ERC2: variants seen among roughly 807,000 people sequenced by gnomAD.
ERC2 encodes ELKS/RAB6-interacting/CAST family member 2.
Under a neutral mutation model 114.8 loss-of-function variants are expected in ERC2, and 42 were observed. That is an observed-to-expected ratio of 0.37 (90% CI 0.29 to 0.47). ERC2 has a LOEUF of 0.47. Ranked by LOEUF, ERC2 falls within the 20% of genes least tolerant of loss-of-function variation. The probability of loss-of-function intolerance (pLI) is 0.99; values close to 1 mark genes in which losing one functional copy is unlikely to be tolerated. For missense variants in ERC2, 939 were observed against 1,150.7 expected, an observed-to-expected ratio of 0.82 and a Z score of 2.66; for synonymous variants, 454 against 425.5, an observed-to-expected ratio of 1.07 and a Z score of -0.82.
At chr3:56,369,971 G>A (rs112452793) in intron 2 of ERC2, among the ~76,000 whole-genome samples, 34 of 152,288 alleles carry the variant, frequency 2.2e-4, no homozygotes, top group South Asian at 1.2e-3. Flanking sequence ...CACCACGCCC[G>A]GCCTGGATAC....
intron 7 of ERC2, among the ~76,000 whole-genome samples, chr3:56,035,509 A>G (rs1465733366): frequency 6.6e-6 from 1 of 152,210 alleles, no homozygotes; most frequent in Non-Finnish European, 1.5e-5. Flanking sequence ...TCCACAATGC[A>G]AGAGTACTGT....
chr3:55,603,643 CAAA>C (rs34016147), intron 17 of ERC2, among the ~76,000 whole-genome samples: 40 of 67,382 alleles, frequency 5.9e-4, no homozygotes, highest in Non-Finnish European at 1.0e-3. Context: ...GACTCTGTCT[CAAA>C]AAAAAAAAAA....
intron 6 of ERC2, among the ~76,000 whole-genome samples, chr3:56,117,944 CT>C (rs1240526692): frequency 3.3e-5 from 5 of 152,190 alleles, no homozygotes; most frequent in Non-Finnish European, 5.9e-5. Flanking sequence ...ATTGACTATT[CT>C]GAGCAGAGGA....
At chr3:55,968,522 C>T (rs572091257) in intron 12 of ERC2, among the ~76,000 whole-genome samples, 79 of 152,282 alleles carry the variant, frequency 5.2e-4, no homozygotes, top group Non-Finnish European at 9.6e-4. Flanking sequence ...AGTCTCAGAC[C>T]TGTGCAGTTT....
intron 7 of ERC2, among the ~76,000 whole-genome samples, chr3:56,028,766 A>G (rs541798141): frequency 6.6e-6 from 1 of 152,122 alleles, no homozygotes; most frequent in South Asian, 2.1e-4. Context: ...TATGTGGACA[A>G]CAATGTCATC....
At chr3:56,296,847 A>G (rs1231594454) in intron 2 of ERC2, among the ~76,000 whole-genome samples, 1 of 152,230 alleles carries the variant, frequency 6.6e-6, no homozygotes, top group African/African-American at 2.4e-5. Context: ...ACTATCCATT[A>G]TTTCCCACGA....
intron 17 of ERC2, among the ~76,000 whole-genome samples, chr3:55,641,946 G>A (rs1031442624): frequency 2.0e-5 from 3 of 152,192 alleles, no homozygotes; most frequent in African/African-American, 7.2e-5. Flanking sequence ...AAGGTGAAGA[G>A]TAGCCCATTA....
intron 2 of ERC2, among the ~76,000 whole-genome samples, chr3:56,373,895 C>A (rs1330511576): frequency 6.6e-6 from 1 of 151,624 alleles, no homozygotes; most frequent in African/African-American, 2.4e-5. Flanking sequence ...TTTTTAAACC[C>A]CATTTAAAAA....
chr3:56,012,539 G>T (rs1276161453), intron 8 of ERC2, among the ~76,000 whole-genome samples: 1 of 152,118 alleles, frequency 6.6e-6, no homozygotes, highest in African/African-American at 2.4e-5. Flanking sequence ...GAAGGAAGGA[G>T]AACTCAATTA....
chr3:56,196,243 A>C (rs2048093641), intron 3 of ERC2, among the ~76,000 whole-genome samples: 1 of 152,150 alleles, frequency 6.6e-6, no homozygotes, highest in Admixed American at 6.5e-5. Flanking sequence ...GAAGGTACAC[A>C]CTACGTGCTC....
chr3:55,652,804 G>A (rs1393997647), intron 17 of ERC2, among the ~76,000 whole-genome samples: 1 of 146,020 alleles, frequency 6.8e-6, no homozygotes, highest in Non-Finnish European at 1.5e-5. Flanking sequence ...AGGTCGAAGT[G>A]AGCCAAGATC....
At position 56,200,283 on chromosome 3, in the gene ERC2, C is replaced by A. The variant is rs376456295; in HGVS notation, c.1075-26763G>T. Reference sequence around the variant, plus strand: ...CCTCATTTTTCACTCACCTCCATCACACAGAATCCAGGACTATTCTCTTCA... The same window carrying A: ...CCTCATTTTTCACTCACCTCCATCAAACAGAATCCAGGACTATTCTCTTCA... On this transcript the variant is annotated intron_variant, in intron 3 of 17. Coordinates refer to ENST00000288221, the MANE Select transcript of ERC2 (RefSeq NM_015576.3). Among the ~76,000 whole-genome samples, 6 of 151,016 alleles carry A rather than the reference C, an allele frequency of 4.0e-5. No homozygotes were observed. In the East Asian group the frequency reaches 1.2e-3, roughly 29 times the overall value.
chr3:56,328,974 A>C (rs577558375), intron 2 of ERC2, among the ~76,000 whole-genome samples: 123 of 152,362 alleles, frequency 8.1e-4, no homozygotes, highest in African/African-American at 2.9e-3. Flanking sequence ...TCTGAAAGTA[A>C]CTCAAGTAAA....
chr3:56,383,327 C>G (rs1476408433), intron 2 of ERC2, among the ~76,000 whole-genome samples: 3 of 152,158 alleles, frequency 2.0e-5, no homozygotes, highest in African/African-American at 7.2e-5. Context: ...AAATGGACAA[C>G]AAATCCTTCC....
At chr3:55,685,498 T>C (rs2062279994) in intron 16 of ERC2, among the ~76,000 whole-genome samples, 1 of 152,216 alleles carries the variant, frequency 6.6e-6, no homozygotes, top group Non-Finnish European at 1.5e-5. Context: ...TCATTTAACT[T>C]CCTCTCTGTC....
At chr3:55,765,437 A>G (rs2067708583) in intron 14 of ERC2, among the ~76,000 whole-genome samples, 2 of 152,226 alleles carry the variant, frequency 1.3e-5, no homozygotes, top group Non-Finnish European at 2.9e-5. Context: ...TTCATACTTA[A>G]TCTAGAGATA....
chr3:55,614,632 T>C (rs2059050528), intron 17 of ERC2, among the ~76,000 whole-genome samples: 1 of 152,214 alleles, frequency 6.6e-6, no homozygotes, highest in South Asian at 2.1e-4. Context: ...TATACTACTA[T>C]GCCAATGATA....
intron 17 of ERC2, among the ~76,000 whole-genome samples, chr3:55,649,764 G>A (rs2060537750): frequency 1.3e-5 from 2 of 152,190 alleles, no homozygotes; most frequent in African/African-American, 4.8e-5. Flanking sequence ...CCCCCGTCAT[G>A]TGCCAGTGCT....
intron 17 of ERC2, among the ~76,000 whole-genome samples, chr3:55,644,393 T>C (rs148209542): frequency 1.3e-5 from 2 of 152,300 alleles, no homozygotes; most frequent in Middle Eastern, 3.4e-3. Flanking sequence ...TATGGACATA[T>C]AAAGTTGACC....
Sources: gnomAD v4.1 joint callset for allele counts (sites outside exome capture counted in the v4.1 genomes callset) on GRCh38, gnomAD v4.1.1 for gene constraint, MANE v1.5 for transcripts, NCBI Gene and HGNC (gene_info 2026-07-23, HGNC 2026-07-21) for gene names.